PSG7: variants seen among roughly 807,000 people sequenced by gnomAD.
PSG7 encodes pregnancy specific beta-1-glycoprotein 7, also known as pregnancy-specific beta-1-glycoprotein 7.
PSG7 carries 57 observed loss-of-function variants against 45.6 expected under a neutral mutation model. That is an observed-to-expected ratio of 1.25 (90% CI 1.01 to 1.56). The LOEUF is 1.56. Among genes scored for constraint, PSG7 ranks in the 40% most tolerant of loss-of-function variants. The probability of loss-of-function intolerance (pLI) is 0.00; values close to 1 mark genes in which losing one functional copy is unlikely to be tolerated. For synonymous variants in PSG7, 298 were observed against 194.4 expected (o/e 1.53, Z -4.43); for missense variants, 796 against 508.4 (o/e 1.57, Z -5.44).
In PSG7 at chr19:42,932,759, A is replaced by G. The variant is rs866158006; in HGVS notation, c.430+2645T>C. Among the ~76,000 whole-genome samples, 42 of 151,572 alleles carry G rather than the reference A, an allele frequency of 2.8e-4. 1 individual carries two copies. Among genetic ancestry groups the G allele is most frequent in the Middle Eastern group, 3.4e-3 (1 of 294 alleles). Reference sequence around the variant, plus strand: ...ACTAACACCCTTACTTTGCCCAGGGACTGCCTTGGTAAAACTAGTGAAAGA... The same window carrying G: ...ACTAACACCCTTACTTTGCCCAGGGGCTGCCTTGGTAAAACTAGTGAAAGA... On this transcript the variant is annotated intron_variant, in intron 2 of 5. Coordinates refer to ENST00000406070, the MANE Select transcript of PSG7 (RefSeq NM_002783.3).
At chr19:42,928,811 A>T (rs1972951416) in intron 3 of PSG7, among the ~76,000 whole-genome samples, 1 of 151,458 alleles carries the variant, frequency 6.6e-6, no homozygotes, top group South Asian at 2.1e-4. Flanking sequence ...CCTCTTGATT[A>T]TGAGATTTGT....
rs1051547668 is a variant in PSG7, at chr19:42,925,452, T to C, written c.1243+321A>G. On this transcript the variant is annotated intron_variant, in intron 5 of 5. Coordinates refer to ENST00000406070, the MANE Select transcript of PSG7 (RefSeq NM_002783.3). ...AGATTAAAAGACAAATTTCCATAAA[T>C]CTAGAAAACTATCCACATAAAGAAT... The C allele has an allele frequency of 9.4e-6, 6 of 638,614 alleles. No individual in the cohort carries two copies. In the African/African-American group the frequency reaches 1.1e-4, roughly 12 times the overall value. 39.6% of individuals were successfully genotyped at this position (638,614 alleles called of 1,614,324 possible). A position where few individuals can be genotyped will look rare whatever the true frequency, so the allele number is the denominator to read the frequency against.
Position 42,932,110 on chromosome 19 carries a change from G to A in PSG7, c.431-2390C>T, listed in dbSNP as rs944492426. Reference sequence around the variant, plus strand: ...ATGATCTCAGCTCACTGCAAGCTCCGCCTCCCGGTTTCACTCCATTCTCCT... The same window carrying A: ...ATGATCTCAGCTCACTGCAAGCTCCACCTCCCGGTTTCACTCCATTCTCCT... On this transcript the variant is annotated intron_variant, in intron 2 of 5. Transcript: ENST00000406070. Among the ~76,000 whole-genome samples, 16 of 151,124 alleles carry A rather than the reference G, an allele frequency of 1.1e-4. 1 individual carries two copies. Among genetic ancestry groups the A allele is most frequent in the African/African-American group, 2.9e-4 (12 of 41,054 alleles).
intron 5 of PSG7, chr19:42,925,192 C>T (rs1972497641): frequency 3.0e-6 from 1 of 328,994 alleles, no homozygotes; most frequent in Non-Finnish European, 5.5e-6. Context: ...TAGCTATATT[C>T]TTAAATATAA....
chr19:42,937,018 A>T lies in PSG7; in HGVS notation c.59T>A (p.Leu20His), dbSNP rs766315659. 3.1e-6 allele frequency: 5 copies of T among 1,611,254 alleles called. 1 individual carries two copies. Among genetic ancestry groups the T allele is most frequent in the African/African-American group, 1.3e-5 (1 of 74,702 alleles). ...CCAGGAAGTTCTCTCCTCACCTGTG[A>T]GCAGGAGCCCTTTCCAGGTTATATG... is the stretch of plus-strand genomic sequence containing the variant. ...TQHITWKGLL[L>H]TASLLNFWNP... Residue 20 changes from leucine to histidine, a missense_variant, in exon 1 of 6, where the codon CTC becomes CAC. Transcript: ENST00000406070.
In PSG7 at chr19:42,935,645, A is replaced by G. The variant is rs782244971; in HGVS notation, c.189T>C (p.Thr63=). 11 of 1,612,210 alleles carry G rather than the reference A, an allele frequency of 6.8e-6. 1 individual carries two copies. Among genetic ancestry groups the G allele is most frequent in the Non-Finnish European group, 8.5e-6 (10 of 1,179,144 alleles). The change falls in exon 2 of 6, where the codon ACT becomes ACC. Residue 63 remains threonine, a synonymous_variant. Transcript: ENST00000406070. ...LLVHNLPQNL[T]GYIWYKGQIR... ...TTTGTCCTTTGTACCAGATGTAGCC[A>G]GTAAGATTCTGGGGCAAATTGTGGA...
intron 2 of PSG7, among the ~76,000 whole-genome samples, chr19:42,931,258 G>A (rs1192769477): frequency 1.3e-5 from 2 of 151,626 alleles, no homozygotes; most frequent in East Asian, 1.9e-4. Context: ...GCTGGTAGTA[G>A]TATTTCTCTT....
intron 4 of PSG7, 123 bp downstream of exon 4, chr19:42,926,315 G>A: frequency 6.5e-7 from 1 of 1,536,648 alleles, no homozygotes; most frequent in Non-Finnish European, 8.8e-7. Context: ...CAGCTCGGAT[G>A]TCCAGAAGTA....
Position 42,926,665 on chromosome 19 carries a change from T to C in PSG7, c.761A>G (p.Asn254Ser). 6.2e-7 allele frequency: 1 copy of C among 1,610,328 alleles called. No individual in the cohort carries two copies. The highest frequency in any genetic ancestry group is 8.5e-7 in the Non-Finnish European group (1 of 1,179,014). ...ITINNLNPRENKDVSTFTCEP... is the reference protein window; with the variant it reads ...ITINNLNPRESKDVSTFTCEP... ...ACAGGTGAAGGTTGAGACATCCTTA[T>C]TCTCCCTGGGGTTTAAGTTATTGAT... is the stretch of plus-strand genomic sequence containing the variant. Residue 254 changes from asparagine (N) to serine (S), a missense_variant, in exon 4 of 6, where the codon AAT becomes AGT. By Grantham distance (46) the Asn-to-Ser change is conservative. Coordinates refer to ENST00000406070, the MANE Select transcript of PSG7 (RefSeq NM_002783.3).
intron 2 of PSG7, among the ~76,000 whole-genome samples, chr19:42,932,789 G>A (rs1285319963): frequency 6.6e-6 from 1 of 151,518 alleles, no homozygotes; most frequent in East Asian, 1.9e-4. Context: ...GAAAGACCAT[G>A]AGATTTAGAT....
In PSG7 at chr19:42,935,317, G is replaced by A. The variant is rs142642717; in HGVS notation, c.430+87C>T. 3.1e-3 allele frequency: 4,805 copies of A among 1,535,712 alleles called. 223 individuals are homozygous for A. The African/African-American group carries it at 0.058, about 19-fold the overall frequency. ...GGACATAATGCAGAGAGGGACACAG[G>A]CACAGTCCAGGCCTGACAATTCTGT... On this transcript the variant is annotated intron_variant, in intron 2 of 5. Coordinates refer to ENST00000406070, the MANE Select transcript of PSG7 (RefSeq NM_002783.3).
Position 42,935,651 on chromosome 19 carries a change from A to T in PSG7, c.183T>A (p.Asn61Lys). The T allele has an allele frequency of 6.2e-7, 1 of 1,612,104 alleles. No homozygotes were observed. Among genetic ancestry groups the T allele is most frequent in the Non-Finnish European group, 8.5e-7 (1 of 1,179,130 alleles). ...CTTTGTACCAGATGTAGCCAGTAAG[A>T]TTCTGGGGCAAATTGTGGACAAGTA... ...VLLLVHNLPQ[N>K]LTGYIWYKGQ... is the part of the protein sequence containing the mutation. The change falls in exon 2 of 6, where the codon AAT becomes AAA. Residue 61 changes from asparagine to lysine, a missense_variant. By Grantham distance (94) the Asn-to-Lys change is moderately conservative. Coordinates refer to ENST00000406070, the MANE Select transcript of PSG7 (RefSeq NM_002783.3).
In PSG7 at chr19:42,935,381, A is replaced by G. The variant is rs1198631836; in HGVS notation, c.430+23T>C. The G allele has an allele frequency of 3.7e-6, 6 of 1,610,832 alleles. No individual in the cohort carries two copies. In the African/African-American group the frequency reaches 6.7e-5, roughly 18 times the overall value. ...AAATGACCCCTGCCCCCCAACACCCAGGGACCATGTGGAATCACTCACGGT... is the reference window on the plus strand; with the variant it reads ...AAATGACCCCTGCCCCCCAACACCCGGGGACCATGTGGAATCACTCACGGT... On this transcript the variant is annotated intron_variant, in intron 2 of 5. Coordinates refer to ENST00000406070, the MANE Select transcript of PSG7 (RefSeq NM_002783.3).
rs1973135206 is a variant in PSG7, at chr19:42,935,684, A to T, written c.150T>A (p.Asp50Glu). The T allele has an allele frequency of 6.2e-7, 1 of 1,611,982 alleles. No individual in the cohort carries two copies. The highest frequency in any genetic ancestry group is 8.5e-7 in the Non-Finnish European group (1 of 1,179,062). The change falls in exon 2 of 6, where the codon GAT (aspartate) becomes GAA (glutamate). Residue 50 changes from aspartate (D) to glutamate (E), a missense_variant. Transcript: ENST00000406070. ...GCAAATTGTGGACAAGTAGAAGAAC[A>T]TCCTTCCCCTCGGAAACTTTTGGTG... ...AQPPKVSEGK[D>E]VLLLVHNLPQ... is the part of the protein sequence containing the mutation.
intron 1 of PSG7, 58 bp downstream of exon 1, chr19:42,936,955 C>A (rs1973164552): frequency 1.9e-6 from 3 of 1,599,026 alleles, no homozygotes; most frequent in African/African-American, 2.7e-5. Flanking sequence ...CTCTAGGAGA[C>A]CCCATCCAGT....
At position 42,925,007 on chromosome 19, in the gene PSG7, T is replaced by G; in HGVS notation, c.1244-183A>C. ...TGAGTTTCTTCAAACTTGGTCTGAT[T>G]GTTTACATAAGTGCAGCAAGAGTAG... On this transcript the variant is annotated intron_variant, in intron 5 of 5. Coordinates refer to ENST00000406070, the MANE Select transcript of PSG7 (RefSeq NM_002783.3). 11 of 623,030 alleles carry G rather than the reference T, an allele frequency of 1.8e-5. 1 individual carries two copies. In the South Asian group the frequency reaches 2.0e-4, roughly 11 times the overall value. The allele number at this position is 623,030 out of a possible 1,614,324, so 38.6% of individuals were successfully genotyped here. A position where few individuals can be genotyped will look rare whatever the true frequency, so the allele number is the denominator to read the frequency against.
Position 42,935,898 on chromosome 19 carries a change from ACACACACACACACACAAAC to A in PSG7, c.65-148_65-130del, listed in dbSNP as rs1973142266. 3.9e-6 allele frequency: 5 copies of A among 1,276,742 alleles called. No individual in the cohort carries two copies. The African/African-American group carries it at 6.2e-5, about 16-fold the overall frequency. 79.1% of individuals were successfully genotyped at this position (1,276,742 alleles called of 1,614,324 possible). A position where few individuals can be genotyped will look rare whatever the true frequency, so the allele number is the denominator to read the frequency against. On this transcript the variant is annotated intron_variant, in intron 1 of 5. Coordinates refer to ENST00000406070, the MANE Select transcript of PSG7 (RefSeq NM_002783.3). ...GACACACACACACACACACACACAC[ACACACACACACACACAAAC>A]ACACACACACACATATAAAAGGGGC...
In PSG7 at chr19:42,929,683, G is replaced by C. The variant is rs370262546; in HGVS notation, c.468C>G (p.Phe156Leu). 1 of 1,612,274 alleles carries C rather than the reference G, an allele frequency of 6.2e-7. No individual in the cohort carries two copies. The highest frequency in any genetic ancestry group is 1.3e-5 in the African/African-American group (1 of 74,636). ...CAGCCTCCGTGGCCTCCCTGGGGTT[G>C]AAATTGCTGCTGGAGATGGAGGGTT... ...TPKPSISSSN[F>L]NPREATEAVI... is the part of the protein sequence containing the mutation. Residue 156 changes from phenylalanine to leucine, a missense_variant, in exon 3 of 6, where the codon TTC (phenylalanine) becomes TTG (leucine). Coordinates refer to ENST00000406070, the MANE Select transcript of PSG7 (RefSeq NM_002783.3).
chr19:42,927,804 T>C (rs56847592), intron 3 of PSG7, among the ~76,000 whole-genome samples: 3,750 of 151,600 alleles, frequency 0.025, 216 homozygotes, highest in African/African-American at 0.086. Context: ...GGGCAGTTTC[T>C]TTTATGCAAG....
Sources: allele counts gnomAD v4.1 joint callset (sites outside exome capture counted in the v4.1 genomes callset), GRCh38; gene constraint gnomAD v4.1.1; transcripts MANE v1.5; gene names NCBI Gene and HGNC (gene_info 2026-07-23, HGNC 2026-07-21).